The following PTPN3 variants were observed in gnomAD, a reference collection of about 807,000 sequenced individuals.
PTPN3 encodes the protein tyrosine-protein phosphatase non-receptor type 3.
A neutral mutation model predicts 132.7 loss-of-function variants in PTPN3; 96 were observed. That is an observed-to-expected ratio of 0.72 (90% CI 0.61 to 0.86). The LOEUF (loss-of-function observed/expected upper bound fraction) is 0.86. Ranked by LOEUF, PTPN3 falls within the 40% of genes least tolerant of loss-of-function variation. PTPN3 has a pLI of 0.00. For synonymous variants in PTPN3, 398 were observed against 429.0 expected (o/e 0.93, Z 0.89); for missense variants, 1,125 against 1,159.6 (o/e 0.97, Z 0.43).
intron 6 of PTPN3, 67 bp from the exon 7 acceptor site, chr9:109,445,359 A>C: frequency 7.3e-7 from 1 of 1,362,060 alleles, no homozygotes; most frequent in Non-Finnish European, 1.0e-6. Context: ...TTGACAGATC[A>C]TGCGTAGTAA....
At chr9:109,480,657 C>T (rs1012203135) in intron 1 of PTPN3, among the ~76,000 whole-genome samples, 6 of 151,996 alleles carry the variant, frequency 3.9e-5, no homozygotes, top group African/African-American at 1.5e-4. Context: ...AGTTTTATGG[C>T]TTTAGGGTCT....
At chr9:109,519,682 G>C in the PTPN3 span, among the ~76,000 whole-genome samples, 1 of 152,204 alleles carries the variant, frequency 6.6e-6, no homozygotes, top group Admixed American at 6.5e-5. Context: ...GTGCAGGGAG[G>C]CTGACCAGTG....
the PTPN3 span, chr9:109,511,332 G>A: frequency 3.3e-5 from 5 of 152,536 alleles, no homozygotes; most frequent in African/African-American, 9.7e-5. Context: ...TACACAAAGA[G>A]ATGCCAGGTT....
intron 22 of PTPN3, among the ~76,000 whole-genome samples, chr9:109,389,021 CTTG>C (rs1175522000): frequency 6.6e-6 from 1 of 152,148 alleles, no homozygotes; most frequent in Non-Finnish European, 1.5e-5. Flanking sequence ...TGCCTTCTGG[CTTG>C]TTGTAATGGA....
the PTPN3 span, among the ~76,000 whole-genome samples, chr9:109,503,422 C>T: frequency 2.7e-3 from 404 of 152,226 alleles, 5 homozygotes; most frequent in Non-Finnish European, 8.8e-4. Context: ...ATGTCTTTCT[C>T]GGCTGGGCAA....
the PTPN3 span, among the ~76,000 whole-genome samples, chr9:109,519,448 G>T: frequency 6.6e-6 from 1 of 152,150 alleles, no homozygotes; most frequent in African/African-American, 2.4e-5. Flanking sequence ...ACTTATGATG[G>T]GTTCGCTGGG....
intron 6 of PTPN3, among the ~76,000 whole-genome samples, chr9:109,447,723 T>C (rs886296731): frequency 9.2e-5 from 14 of 152,176 alleles, no homozygotes; most frequent in South Asian, 8.3e-4. Context: ...GTCCATTCCC[T>C]TCCATCCAGA....
chr9:109,432,197 T>G (rs917822771), intron 10 of PTPN3, among the ~76,000 whole-genome samples: 1 of 151,932 alleles, frequency 6.6e-6, no homozygotes, highest in Non-Finnish European at 1.5e-5. Flanking sequence ...ATGAACATCT[T>G]TGTGTTTCAG....
rs552638191 is a variant in PTPN3, at chr9:109,456,192, C to T, written c.289+981G>A. Among the ~76,000 whole-genome samples, 9 of 152,342 alleles carry T rather than the reference C, an allele frequency of 5.9e-5. No individual in the cohort carries two copies. The South Asian group carries it at 8.3e-4, about 14-fold the overall frequency. ...GGGGCATCCTGTGTATGCGCACCTG[C>T]GTGCGCAAATCCACTTGCCCTTCTC... On this transcript the variant is annotated intron_variant, in intron 4 of 25. Transcript: ENST00000374541.
the PTPN3 span, among the ~76,000 whole-genome samples, chr9:109,519,488 CAGT>C: frequency 2.6e-5 from 4 of 152,190 alleles, no homozygotes; most frequent in African/African-American, 9.7e-5. Flanking sequence ...CGAGGAGCAT[CAGT>C]AGTAATACCA....
intron 4 of PTPN3, among the ~76,000 whole-genome samples, chr9:109,455,085 C>A (rs998204338): frequency 1.3e-5 from 2 of 152,094 alleles, no homozygotes; most frequent in Non-Finnish European, 2.9e-5. Context: ...GGTGACAAAA[C>A]CAGAATTAGA....
intron 1 of PTPN3, among the ~76,000 whole-genome samples, chr9:109,465,305 G>A (rs1207559125): frequency 2.6e-5 from 4 of 152,182 alleles, no homozygotes; most frequent in Admixed American, 6.5e-5. Context: ...AGCCGGGCAC[G>A]GTGGTTCACG....
At chr9:109,462,383 C>G (rs1264556999) in intron 2 of PTPN3, among the ~76,000 whole-genome samples, 1 of 152,192 alleles carries the variant, frequency 6.6e-6, no homozygotes, top group Admixed American at 6.5e-5. Flanking sequence ...ATGGGGTGTG[C>G]GGAAGACCCA....
chr9:109,389,322 G>A lies in PTPN3; in HGVS notation c.2164C>T (p.Pro722Ser). ...TGCCAAAACTGTGCACAGGTATGCG[G>A]CAGGGGCCCCTGAGTGGCGATGTAC... Reference protein sequence around the residue: ...NKYIATQGPLPHTCAQFWQVV... With the variant: ...NKYIATQGPLSHTCAQFWQVV... The change falls in exon 22 of 26, where the codon CCG becomes TCG. Residue 722 changes from proline to serine, a missense_variant. Physicochemically the swap from Pro to Ser is moderately conservative, Grantham distance 74. Transcript: ENST00000374541. The A allele has an allele frequency of 6.2e-7, 1 of 1,614,164 alleles. No homozygotes were observed. Among genetic ancestry groups the A allele is most frequent in the Non-Finnish European group, 8.5e-7 (1 of 1,179,994 alleles).
At chr9:109,417,434 A>G (rs1195145107) in intron 14 of PTPN3, among the ~76,000 whole-genome samples, 1 of 152,270 alleles carries the variant, frequency 6.6e-6, no homozygotes, top group Non-Finnish European at 1.5e-5. Flanking sequence ...TTTCTCTGAC[A>G]GAATGCTTCT....
intron 19 of PTPN3, chr9:109,392,960 G>A (rs551434518): frequency 7.4e-4 from 113 of 152,302 alleles, no homozygotes; most frequent in African/African-American, 2.6e-3. Flanking sequence ...AAAGAAGATA[G>A]TAAGTATTCC....
chr9:109,463,743 T>G (rs1388091323), intron 1 of PTPN3, among the ~76,000 whole-genome samples: 1 of 152,242 alleles, frequency 6.6e-6, no homozygotes, highest in Non-Finnish European at 1.5e-5. Context: ...TTTTTATTTA[T>G]GTTTCACAAT....
At chr9:109,506,788 A>G in the PTPN3 span, among the ~76,000 whole-genome samples, 4 of 151,954 alleles carry the variant, frequency 2.6e-5, no homozygotes, top group Non-Finnish European at 5.9e-5. Flanking sequence ...TTTTTGGTAG[A>G]GATGGGGTTT....
chr9:109,393,339 A>G (rs1336294975), intron 19 of PTPN3, among the ~76,000 whole-genome samples: 1 of 151,714 alleles, frequency 6.6e-6, no homozygotes, highest in Non-Finnish European at 1.5e-5. Context: ...AACTTCTAAG[A>G]AGAGAATTAC....
Sources: allele counts gnomAD v4.1 joint callset (sites outside exome capture counted in the v4.1 genomes callset), GRCh38; gene constraint gnomAD v4.1.1; transcripts MANE v1.5; gene names NCBI Gene and HGNC (gene_info 2026-07-23, HGNC 2026-07-21).